The following GTF2B variants were observed in gnomAD, a reference collection of about 807,000 sequenced individuals.
The protein encoded by GTF2B is transcription initiation factor IIB.
GTF2B carries 20 observed loss-of-function variants against 34.6 expected under a neutral mutation model. That is an observed-to-expected ratio of 0.58 (90% CI 0.41 to 0.84). The LOEUF (loss-of-function observed/expected upper bound fraction) is 0.84. Ranked by LOEUF, GTF2B falls within the 40% of genes least tolerant of loss-of-function variation. The pLI, the probability that GTF2B is intolerant of heterozygous loss-of-function variation, is 0.00. For missense variants in GTF2B, 237 were observed against 393.3 expected (o/e 0.60, Z 3.36); for synonymous variants, 142 against 132.4 (o/e 1.07, Z -0.50).
chr1:88,865,459 G>A (rs1673527516), intron 2 of GTF2B, among the ~76,000 whole-genome samples: 1 of 152,030 alleles, frequency 6.6e-6, no homozygotes, highest in Non-Finnish European at 1.5e-5. Flanking sequence ...TGGTGGCTCA[G>A]GCCTGTAATC....
At chr1:88,853,864 C>T (rs1318401871) in intron 6 of GTF2B, among the ~76,000 whole-genome samples, 1 of 151,898 alleles carries the variant, frequency 6.6e-6, no homozygotes, top group East Asian at 1.9e-4. Context: ...AATACTTAAC[C>T]AAATACTGTC....
At chr1:88,881,161 T>A in intron 2 of GTF2B, among the ~76,000 whole-genome samples, 1 of 141,542 alleles carries the variant, frequency 7.1e-6, no homozygotes. Context: ...ACATGCTAGG[T>A]ATGTATTTAA....
chr1:88,865,857 AAAACAAAC>A (rs10649931), intron 2 of GTF2B, among the ~76,000 whole-genome samples: 2 of 148,686 alleles, frequency 1.3e-5, no homozygotes, highest in Non-Finnish European at 2.9e-5. Context: ...AAAACAAAAC[AAAACAAAC>A]AAACAAACAA....
chr1:88,890,382 C>A (rs1055699128), intron 1 of GTF2B, among the ~76,000 whole-genome samples: 2 of 152,158 alleles, frequency 1.3e-5, no homozygotes, highest in African/African-American at 4.8e-5. Flanking sequence ...CCCCAAATTC[C>A]TTTTCTAATC....
chr1:88,890,353 T>C (rs1674172465), intron 1 of GTF2B, among the ~76,000 whole-genome samples: 1 of 152,194 alleles, frequency 6.6e-6, no homozygotes, highest in South Asian at 2.1e-4. Flanking sequence ...AACAGTATAT[T>C]AGCTAAAGCT....
intron 1 of GTF2B, among the ~76,000 whole-genome samples, chr1:88,890,914 A>G (rs907053213): frequency 5.3e-5 from 8 of 152,066 alleles, no homozygotes; most frequent in Non-Finnish European, 8.8e-5. Context: ...CAGGGAACTA[A>G]TCAACTCTTC....
rs28528956 is a variant in GTF2B, at chr1:88,869,866, G to A, written c.125-5752C>T. ...TGTCGAATTCCCGACCTTGTGATCC[G>A]TCCGCCTCGGCCTCCCCAAGTGCTG... On this transcript the variant is annotated intron_variant, in intron 2 of 6. Coordinates refer to ENST00000370500, the MANE Select transcript of GTF2B (RefSeq NM_001514.6). Among the ~76,000 whole-genome samples the A allele has an allele frequency of 4.5e-3, 685 of 151,520 alleles. 4 individuals are homozygous for A. The highest frequency in any genetic ancestry group is 0.016 in the African/African-American group (658 of 41,260).
intron 6 of GTF2B, among the ~76,000 whole-genome samples, chr1:88,853,576 G>A (rs544916594): frequency 1.1e-4 from 17 of 152,114 alleles, no homozygotes; most frequent in Non-Finnish European, 4.4e-5. Flanking sequence ...AGGCCGAGGC[G>A]GGTGGATCAC....
chr1:88,859,780 G>T, intron 5 of GTF2B, 102 bp downstream of exon 5: 1 of 962,562 alleles, frequency 1.0e-6, no homozygotes, highest in Non-Finnish European at 1.6e-6. Flanking sequence ...AGGTTGCAGT[G>T]AGTCAAGATT....
intron 2 of GTF2B, among the ~76,000 whole-genome samples, chr1:88,882,440 G>T (rs1186252179): frequency 6.6e-6 from 1 of 151,138 alleles, no homozygotes; most frequent in East Asian, 2.0e-4. Flanking sequence ...CACTGTGGAA[G>T]AACTGGAAGG....
chr1:88,891,513 G>A lies in GTF2B; in HGVS notation c.-14C>T. The A allele has an allele frequency of 6.2e-7, 1 of 1,601,378 alleles. No individual in the cohort carries two copies. ...GGTAGACGCCATCTTCACGGCGACT[G>A]CGGTGCCCGCAACAAGACACAACAG... On this transcript the variant is annotated 5_prime_UTR_variant, in exon 1 of 7. Coordinates refer to ENST00000370500, the MANE Select transcript of GTF2B (RefSeq NM_001514.6).
intron 6 of GTF2B, among the ~76,000 whole-genome samples, chr1:88,856,086 A>G (rs1442296965): frequency 6.6e-6 from 1 of 152,054 alleles, no homozygotes; most frequent in East Asian, 1.9e-4. Context: ...CCTGCCCAAC[A>G]TGGTGAAACC....
chr1:88,875,463 T>C (rs1009094453), intron 2 of GTF2B, among the ~76,000 whole-genome samples: 2 of 152,240 alleles, frequency 1.3e-5, no homozygotes, highest in African/African-American at 2.4e-5. Flanking sequence ...AGTAGGTCGA[T>C]AGGAGCAGCA....
intron 3 of GTF2B, among the ~76,000 whole-genome samples, chr1:88,861,499 T>C (rs1180618456): frequency 1.3e-5 from 2 of 152,142 alleles, no homozygotes; most frequent in African/African-American, 4.8e-5. Context: ...ACCCTACCTC[T>C]ACTAAAAGTA....
intron 2 of GTF2B, among the ~76,000 whole-genome samples, chr1:88,867,951 T>A (rs1673598693): frequency 6.6e-6 from 1 of 152,208 alleles, no homozygotes; most frequent in Non-Finnish European, 1.5e-5. Flanking sequence ...TCTTTTTATA[T>A]TTAACTACTC....
rs1026990065 is a variant in GTF2B at position 88,877,368 on chromosome 1, ATAC to A, written c.124+9890_124+9892del. Among the ~76,000 whole-genome samples the A allele has an allele frequency of 1.1e-4, 17 of 152,326 alleles. No individual in the cohort carries two copies. The South Asian group carries it at 1.2e-3, about 11-fold the overall frequency. Reference sequence around the variant, plus strand: ...CACAAAAAAGTGGCTTTAACTAGAAATACTACTACTAGTTTCAAACAACTCCTC... The same window carrying A: ...CACAAAAAAGTGGCTTTAACTAGAAATACTACTAGTTTCAAACAACTCCTC... On this transcript the variant is annotated intron_variant, in intron 2 of 6. Transcript: ENST00000370500.
chr1:88,883,754 A>T (rs1327747209), intron 2 of GTF2B, among the ~76,000 whole-genome samples: 1 of 152,188 alleles, frequency 6.6e-6, no homozygotes, highest in Non-Finnish European at 1.5e-5. Context: ...AACACAAGGT[A>T]GATTAAAGTC....
intron 6 of GTF2B, among the ~76,000 whole-genome samples, chr1:88,855,116 ACCT>A (rs1279336179): frequency 1.3e-5 from 2 of 152,218 alleles, no homozygotes; most frequent in African/African-American, 4.8e-5. Flanking sequence ...CTAGGAATGT[ACCT>A]CAAGGACAAA....
At chr1:88,880,783 G>T (rs946363104) in intron 2 of GTF2B, among the ~76,000 whole-genome samples, 4 of 152,042 alleles carry the variant, frequency 2.6e-5, no homozygotes, top group Non-Finnish European at 5.9e-5. Context: ...GAGGCTGGGG[G>T]TATCTCTTTG....
Sources: gnomAD v4.1 joint callset for allele counts (sites outside exome capture counted in the v4.1 genomes callset) on GRCh38, gnomAD v4.1.1 for gene constraint, MANE v1.5 for transcripts, NCBI Gene and HGNC (gene_info 2026-07-23, HGNC 2026-07-21) for gene names.